CTNNA3: variants seen among roughly 807,000 people sequenced by gnomAD.
CTNNA3 encodes the protein catenin alpha 3.
CTNNA3 carries 76 observed loss-of-function variants against 95.7 expected under a neutral mutation model. The ratio of observed to expected loss-of-function variants is 0.79; its 90% CI spans 0.66 to 0.96. The LOEUF is 0.96. Ranked by LOEUF, CTNNA3 falls within the 40% of genes least tolerant of loss-of-function variation. The pLI is 0.00. For synonymous variants in CTNNA3, 431 were observed against 374.4 expected (o/e 1.15, Z -1.74); for missense variants, 1,191 against 1,089.8 (o/e 1.09, Z -1.31).
intron 9 of CTNNA3, among the ~76,000 whole-genome samples, chr10:66,679,495 G>C (rs1846989521): frequency 6.6e-6 from 1 of 152,166 alleles, no homozygotes; most frequent in Non-Finnish European, 1.5e-5. Context: ...GTTAGAAGTT[G>C]GGTCTGGACT....
chr10:66,524,180 T>A lies in CTNNA3; in HGVS notation c.1375-3407A>T, dbSNP rs374749724. Among the ~76,000 whole-genome samples the A allele has an allele frequency of 4.8e-3, 728 of 152,252 alleles. 6 individuals are homozygous for A. Among genetic ancestry groups the A allele is most frequent in the African/African-American group, 0.016 (676 of 41,558 alleles). ...TCCATGGAAATATCACCACATACTG[T>A]GAAGCCTGTTTAAAAAATATTTTGT... On this transcript the variant is annotated intron_variant, in intron 10 of 17. Transcript: ENST00000433211.
chr10:67,659,952 T>C (rs988718258), intron 1 of CTNNA3, among the ~76,000 whole-genome samples: 1 of 152,132 alleles, frequency 6.6e-6, no homozygotes, highest in Non-Finnish European at 1.5e-5. Flanking sequence ...CAGCTAGAAA[T>C]AAATAAAAGC....
intron 13 of CTNNA3, among the ~76,000 whole-genome samples, chr10:66,159,052 T>C (rs926982237): frequency 3.3e-5 from 5 of 152,066 alleles, no homozygotes; most frequent in Admixed American, 1.3e-4. Context: ...TTCTAGGAGA[T>C]TTCTGGAGGA....
chr10:67,035,759 T>C (rs983026712), intron 7 of CTNNA3, among the ~76,000 whole-genome samples: 2 of 150,046 alleles, frequency 1.3e-5, no homozygotes, highest in African/African-American at 2.4e-5. Context: ...TGTATTGAGC[T>C]TTAATGTTAT....
intron 12 of CTNNA3, among the ~76,000 whole-genome samples, chr10:66,313,666 AT>A (rs2092056984): frequency 6.6e-6 from 1 of 152,114 alleles, no homozygotes; most frequent in African/African-American, 2.4e-5. Flanking sequence ...ATTACTTATT[AT>A]TTGTCTTTCT....
At chr10:66,244,470 A>C (rs943732911) in intron 13 of CTNNA3, among the ~76,000 whole-genome samples, 4 of 152,208 alleles carry the variant, frequency 2.6e-5, no homozygotes, top group Admixed American at 6.5e-5. Context: ...TTTCAGGTCT[A>C]GCCTAGGGCA....
chr10:66,238,075 T>C (rs976657101), intron 13 of CTNNA3, among the ~76,000 whole-genome samples: 1 of 152,210 alleles, frequency 6.6e-6, no homozygotes, highest in East Asian at 1.9e-4. Context: ...ATTTAAAAGA[T>C]AGATTTATCT....
intron 6 of CTNNA3, among the ~76,000 whole-genome samples, chr10:67,205,120 G>T (rs955231109): frequency 6.6e-6 from 1 of 152,156 alleles, no homozygotes; most frequent in African/African-American, 2.4e-5. Context: ...TTTAGTTTGG[G>T]GGAAGGGTTA....
intron 17 of CTNNA3, among the ~76,000 whole-genome samples, chr10:65,965,680 A>ACACC (rs1333581134): frequency 6.6e-6 from 1 of 151,804 alleles, no homozygotes; most frequent in Non-Finnish European, 1.5e-5. Context: ...TAGGTCTGAA[A>ACACC]CACCGCAACT....
intron 13 of CTNNA3, among the ~76,000 whole-genome samples, chr10:66,115,567 TAGAC>T (rs199734432): frequency 0.03 from 3,821 of 129,214 alleles, 73 homozygotes; most frequent in Middle Eastern, 0.059. Flanking sequence ...GATAGATAGA[TAGAC>T]AGATAGATGA....
chr10:66,297,651 G>A (rs549677716), intron 12 of CTNNA3, among the ~76,000 whole-genome samples: 159 of 152,234 alleles, frequency 1.0e-3, no homozygotes, highest in African/African-American at 3.7e-3. Flanking sequence ...ACAGATAAAG[G>A]TGGCTTTCAA....
At chr10:66,635,527 A>G (rs1589048617) in intron 9 of CTNNA3, among the ~76,000 whole-genome samples, 1 of 152,168 alleles carries the variant, frequency 6.6e-6, no homozygotes, top group South Asian at 2.1e-4. Context: ...GATACAATAT[A>G]TTAAAGCCAA....
At chr10:67,663,269 A>G (rs1452359871) in intron 1 of CTNNA3, among the ~76,000 whole-genome samples, 10 of 152,214 alleles carry the variant, frequency 6.6e-5, no homozygotes, top group Non-Finnish European at 2.9e-5. Context: ...ACAAAACTAC[A>G]AAAACAAGAG....
intron 10 of CTNNA3, among the ~76,000 whole-genome samples, chr10:66,546,086 C>G (rs1217837433): frequency 6.6e-6 from 1 of 151,672 alleles, no homozygotes; most frequent in Non-Finnish European, 1.5e-5. Context: ...AAACACAGGT[C>G]CTTAGTTTTC....
chr10:65,984,030 A>C (rs1314693560), intron 16 of CTNNA3, among the ~76,000 whole-genome samples: 2 of 151,306 alleles, frequency 1.3e-5, no homozygotes, highest in African/African-American at 2.4e-5. Context: ...GATGATATAT[A>C]TATAAACATG....
chr10:66,272,180 C>A (rs1778222630), intron 13 of CTNNA3, among the ~76,000 whole-genome samples: 2 of 152,094 alleles, frequency 1.3e-5, no homozygotes, highest in South Asian at 4.1e-4. Context: ...TTAGGAATCC[C>A]CCTGGTAGGT....
intron 7 of CTNNA3, among the ~76,000 whole-genome samples, chr10:66,930,130 T>G: frequency 6.6e-6 from 1 of 152,094 alleles, no homozygotes; most frequent in East Asian, 1.9e-4. Context: ...AAATAAAATT[T>G]TAAGGATGCC....
chr10:66,446,722 T>C (rs1241527897), intron 11 of CTNNA3, among the ~76,000 whole-genome samples: 1 of 152,172 alleles, frequency 6.6e-6, no homozygotes, highest in Non-Finnish European at 1.5e-5. Context: ...AATATCATAC[T>C]GAATGGGCAA....
Position 66,201,609 on chromosome 10 carries a change from G to A in CTNNA3, c.1884+78861C>T, listed in dbSNP as rs564739401. 5.7e-4 allele frequency among the ~76,000 whole-genome samples: 87 copies of A among 151,958 alleles called. 1 individual carries two copies. Among genetic ancestry groups the A allele is most frequent in the African/African-American group, 1.4e-3 (58 of 41,468 alleles). ...GTTACTTCTTTTATCTACTCTCTCCGTATTTCAAAATATTTGTTACGGTAA... is the reference window on the plus strand; with the variant it reads ...GTTACTTCTTTTATCTACTCTCTCCATATTTCAAAATATTTGTTACGGTAA... On this transcript the variant is annotated intron_variant, in intron 13 of 17. Coordinates refer to ENST00000433211, the MANE Select transcript of CTNNA3 (RefSeq NM_013266.4).
Sources: gnomAD v4.1 joint callset for allele counts (sites outside exome capture counted in the v4.1 genomes callset) on GRCh38, gnomAD v4.1.1 for gene constraint, MANE v1.5 for transcripts, NCBI Gene and HGNC (gene_info 2026-07-23, HGNC 2026-07-21) for gene names.